HIPK3: variants seen among roughly 807,000 people sequenced by gnomAD.
The protein encoded by HIPK3 is homeodomain-interacting protein kinase 3.
Under a neutral mutation model 124.2 loss-of-function variants are expected in HIPK3, and 47 were observed. The observed-to-expected ratio is 0.38, with a 90% CI of 0.30 to 0.48. The LOEUF is 0.48. Ranked by LOEUF, HIPK3 falls within the 20% of genes least tolerant of loss-of-function variation. The probability of loss-of-function intolerance (pLI) is 0.98; values close to 1 mark genes in which losing one functional copy is unlikely to be tolerated. For missense variants in HIPK3, 1,286 were observed against 1,454.3 expected (o/e 0.88, Z 1.88); for synonymous variants, 482 against 515.2 (o/e 0.94, Z 0.87).
At chr11:33,341,212 C>A in intron 7 of HIPK3, 85 bp downstream of exon 7, 3 of 960,948 alleles carry the variant, frequency 3.1e-6, no homozygotes, top group South Asian at 1.9e-5. Flanking sequence ...AGTTTGGTGT[C>A]AGTTGTTAGA....
At chr11:33,261,386 G>C (rs964725324) in intron 1 of HIPK3, among the ~76,000 whole-genome samples, 4 of 151,678 alleles carry the variant, frequency 2.6e-5, no homozygotes, top group Non-Finnish European at 4.4e-5. Flanking sequence ...CATCTGGTAG[G>C]TCCCAGTGTC....
chr11:33,285,803 G>A (rs923861316), intron 1 of HIPK3, among the ~76,000 whole-genome samples: 13 of 151,656 alleles, frequency 8.6e-5, no homozygotes, highest in African/African-American at 3.1e-4. Context: ...ACAGAGTCTT[G>A]CTCTGTCTCA....
rs73489278 is a variant in HIPK3, at chr11:33,340,919, A to C, written c.1614-49A>C. 3.5e-3 allele frequency: 4,158 copies of C among 1,184,348 alleles called. 131 individuals carry two copies. The African/African-American group carries it at 0.059, about 17-fold the overall frequency. 73.4% of individuals were successfully genotyped at this position (1,184,348 alleles called of 1,614,324 possible). A position where few individuals can be genotyped will look rare whatever the true frequency, so the allele number is the denominator to read the frequency against. On this transcript the variant is annotated intron_variant, in intron 6 of 16. Coordinates refer to ENST00000303296, the MANE Select transcript of HIPK3 (RefSeq NM_005734.5). ...TTTTGTCAATGTACCTCAATTTAAA[A>C]CTAAGCTTTTAAAATAATACTGTAA...
At chr11:33,344,291 T>A (rs927183225) in intron 8 of HIPK3, among the ~76,000 whole-genome samples, 1 of 152,214 alleles carries the variant, frequency 6.6e-6, no homozygotes, top group African/African-American at 2.4e-5. Flanking sequence ...CACTTAAATT[T>A]ATAATCTGTA....
chr11:33,296,418 C>T (rs1369357753), intron 2 of HIPK3, among the ~76,000 whole-genome samples: 1 of 152,110 alleles, frequency 6.6e-6, no homozygotes, highest in East Asian at 1.9e-4. Context: ...GATATTACTT[C>T]TTTTAGGTCT....
intron 2 of HIPK3, among the ~76,000 whole-genome samples, chr11:33,324,622 G>A (rs1232566733): frequency 6.6e-6 from 1 of 152,158 alleles, no homozygotes; most frequent in Non-Finnish European, 1.5e-5. Context: ...CAGTGCTCAG[G>A]CTGAGGCCAT....
rs760396235 is a variant in HIPK3, at chr11:33,348,760, A to G, written c.2608A>G (p.Ile870Val). Residue 870 changes from isoleucine (I) to valine (V), a missense_variant, in exon 13 of 17, where the codon ATC becomes GTC. This residue lies in a region of HIPK3 where 810 missense variants were observed against 864.9 expected (regional missense o/e 0.94). Transcript: ENST00000303296. ...CTCCCCGAGTCCTGCAGTGAGTGTCATCACTATCAGCAGTGACACTGATGA... is the reference window on the plus strand; with the variant it reads ...CTCCCCGAGTCCTGCAGTGAGTGTCGTCACTATCAGCAGTGACACTGATGA... Reference protein sequence around the residue: ...ADSPSPAVSVITISSDTDEEE... With the variant: ...ADSPSPAVSVVTISSDTDEEE... 2 of 1,614,160 alleles carry G rather than the reference A, an allele frequency of 1.2e-6. No individual in the cohort carries two copies. Among genetic ancestry groups the G allele is most frequent in the Non-Finnish European group, 1.7e-6 (2 of 1,179,978 alleles).
At chr11:33,283,276 A>G (rs528801347) in intron 1 of HIPK3, among the ~76,000 whole-genome samples, 2 of 152,034 alleles carry the variant, frequency 1.3e-5, no homozygotes, top group East Asian at 3.9e-4. Flanking sequence ...ACTCCCGGCT[A>G]ATTTTTTGTA....
At chr11:33,295,274 A>ACCCCCCCCCCCCCCC (rs1359081985) in intron 2 of HIPK3, among the ~76,000 whole-genome samples, 1 of 104,510 alleles carries the variant, frequency 9.6e-6, no homozygotes, top group African/African-American at 4.0e-5. Context: ...AGCAGCCACC[A>ACCCCCCCCCCCCCCC]CCGCCCCCCC....
intron 2 of HIPK3, among the ~76,000 whole-genome samples, chr11:33,300,663 C>G (rs972156284): frequency 1.3e-5 from 2 of 152,138 alleles, no homozygotes; most frequent in Non-Finnish European, 2.9e-5. Context: ...TTGTGGTGGT[C>G]TGGAACCAAA....
chr11:33,342,151 A>G (rs1232742512), intron 8 of HIPK3, among the ~76,000 whole-genome samples: 1 of 151,306 alleles, frequency 6.6e-6, no homozygotes, highest in Non-Finnish European at 1.5e-5. Context: ...ATAAGCCTTC[A>G]GACCAGTGAC....
chr11:33,280,852 G>A (rs1851393368), intron 1 of HIPK3, among the ~76,000 whole-genome samples: 1 of 152,096 alleles, frequency 6.6e-6, no homozygotes, highest in South Asian at 2.1e-4. Context: ...ACTTCATCCT[G>A]TTTTTTCAGA....
intron 15 of HIPK3, 102 bp downstream of exon 15, chr11:33,351,945 T>A: frequency 1.8e-6 from 2 of 1,087,324 alleles, no homozygotes; most frequent in Non-Finnish European, 2.7e-6. Context: ...AATTTTGACT[T>A]GACCCTGCCT....
At chr11:33,328,400 A>G (rs922244111) in intron 2 of HIPK3, 110 bp from the exon 3 acceptor site, 3 of 1,024,512 alleles carry the variant, frequency 2.9e-6, no homozygotes, top group Non-Finnish European at 2.9e-6. Flanking sequence ...GAGTTCCTAT[A>G]CATAGAATGT....
chr11:33,299,763 C>T (rs1045350623), intron 2 of HIPK3, among the ~76,000 whole-genome samples: 3 of 152,058 alleles, frequency 2.0e-5, no homozygotes. Flanking sequence ...CAGTGGCTCA[C>T]GCCTGTTATC....
chr11:33,298,676 C>G (rs1851906613), intron 2 of HIPK3, among the ~76,000 whole-genome samples: 1 of 152,170 alleles, frequency 6.6e-6, no homozygotes, highest in Admixed American at 6.5e-5. Flanking sequence ...TCATGGATGA[C>G]TTCGAGGGGT....
Position 33,348,153 on chromosome 11 carries a change from C to G in HIPK3, c.2307-13C>G, listed in dbSNP as rs764838655. The G allele has an allele frequency of 1.2e-6, 2 of 1,613,458 alleles. No individual in the cohort carries two copies. The highest frequency in any genetic ancestry group is 2.2e-5 in the South Asian group (2 of 90,988). On this transcript the variant is annotated splice_polypyrimidine_tract_variant and intron_variant, in intron 11 of 16. Coordinates refer to ENST00000303296, the MANE Select transcript of HIPK3 (RefSeq NM_005734.5). ...TTACAAACACTAAGCCAGCTCCCTT[C>G]TCAATTTCTCAGAGGTATTTTGGTA...
At position 33,290,094 on chromosome 11, in the gene HIPK3, G is replaced by C. The variant is rs192436866; in HGVS notation, c.1097+2583G>C. Among the ~76,000 whole-genome samples the C allele has an allele frequency of 3.9e-5, 6 of 152,284 alleles. No homozygotes were observed. In the East Asian group the frequency reaches 1.2e-3, roughly 29 times the overall value. On this transcript the variant is annotated intron_variant, in intron 2 of 16. Coordinates refer to ENST00000303296, the MANE Select transcript of HIPK3 (RefSeq NM_005734.5). ...GTTCATTCCAAATCTTGCCTATTGT[G>C]AATAGTCGTGCAGTAAACACTGGAT...
intron 3 of HIPK3, among the ~76,000 whole-genome samples, chr11:33,332,710 AT>A (rs1853023305): frequency 6.6e-6 from 1 of 152,214 alleles, no homozygotes; most frequent in South Asian, 2.1e-4. Flanking sequence ...TTGTCAGGCT[AT>A]TTAGCAAAGA....
Sources: gnomAD v4.1 joint callset for allele counts (sites outside exome capture counted in the v4.1 genomes callset) on GRCh38, gnomAD v4.1.1 for gene constraint, gnomAD v4.1.1 regional missense constraint, MANE v1.5 for transcripts, NCBI Gene and HGNC (gene_info 2026-07-23, HGNC 2026-07-21) for gene names.